The following SH2D4A variants were observed in gnomAD, a reference collection of about 807,000 sequenced individuals.
SH2D4A encodes SH2 domain-containing protein 4A.
Under a neutral mutation model 64.7 loss-of-function variants are expected in SH2D4A, and 70 were observed. That is an observed-to-expected ratio of 1.08 (90% CI 0.89 to 1.32). The LOEUF is 1.32. Ranked by LOEUF, SH2D4A falls within the 40% of genes most tolerant of loss-of-function variation. The pLI, the probability that SH2D4A is intolerant of heterozygous loss-of-function variation, is 0.00. For missense variants in SH2D4A, 706 were observed against 540.1 expected, an observed-to-expected ratio of 1.31 and a Z score of -3.04; for synonymous variants, 268 against 200.7, an observed-to-expected ratio of 1.34 and a Z score of -2.83.
intron 9 of SH2D4A, among the ~76,000 whole-genome samples, chr8:19,393,957 T>C (rs1193038383): frequency 6.6e-6 from 1 of 152,136 alleles, no homozygotes; most frequent in East Asian, 1.9e-4. Flanking sequence ...TACATTGTTA[T>C]ATATAATGAA....
chr8:19,316,168 C>G (rs575523723), intron 1 of SH2D4A, among the ~76,000 whole-genome samples: 18 of 152,342 alleles, frequency 1.2e-4, no homozygotes, highest in African/African-American at 4.3e-4. Flanking sequence ...AGAATGGCCA[C>G]ATCGTCAACG....
Position 19,333,031 on chromosome 8 carries a change from A to G in SH2D4A, c.258A>G (p.Leu86=). 6.2e-7 allele frequency: 1 copy of G among 1,614,138 alleles called. No individual in the cohort carries two copies. The highest frequency in any genetic ancestry group is 1.3e-5 in the African/African-American group (1 of 75,030). The change falls in exon 3 of 10, where the codon CTA becomes CTG. Residue 86 remains leucine, a synonymous_variant. Coordinates refer to ENST00000265807, the MANE Select transcript of SH2D4A (RefSeq NM_022071.4). ...VWVWVMGEHH[L]DKPYDVLCNE... Reference sequence around the variant, plus strand: ...TATGGGTGATGGGCGAACACCATCTAGATAAACCCTATGATGTGCTCTGTA... The same window carrying G: ...TATGGGTGATGGGCGAACACCATCTGGATAAACCCTATGATGTGCTCTGTA...
intron 8 of SH2D4A, among the ~76,000 whole-genome samples, chr8:19,380,091 T>C (rs552186094): frequency 2.6e-4 from 39 of 152,302 alleles, no homozygotes; most frequent in African/African-American, 8.9e-4. Context: ...TGAGGTCATA[T>C]GTCATTACGG....
chr8:19,346,648 G>A (rs1173192922), intron 4 of SH2D4A, among the ~76,000 whole-genome samples: 3 of 152,200 alleles, frequency 2.0e-5, no homozygotes, highest in Admixed American at 2.0e-4. Flanking sequence ...AGTCGCCGAT[G>A]CCAAAAAGGT....
chr8:19,340,163 G>A (rs2052505826), intron 4 of SH2D4A, among the ~76,000 whole-genome samples: 1 of 152,146 alleles, frequency 6.6e-6, no homozygotes, highest in Admixed American at 6.5e-5. Context: ...ATAGCTGGAG[G>A]GAAAGTGGGC....
At chr8:19,367,342 T>G (rs2053014088) in intron 7 of SH2D4A, among the ~76,000 whole-genome samples, 1 of 152,192 alleles carries the variant, frequency 6.6e-6, no homozygotes, top group African/African-American at 2.4e-5. Flanking sequence ...TATAATGGTA[T>G]ACTAATTTAT....
At chr8:19,375,875 T>G (rs28508542) in intron 8 of SH2D4A, among the ~76,000 whole-genome samples, 20,400 of 152,074 alleles carry the variant, frequency 0.13, 2,300 homozygotes, top group African/African-American at 0.31. Context: ...ATTGTAAATT[T>G]AAGATTTACA....
At position 19,318,600 on chromosome 8, in the gene SH2D4A, C is replaced by G. The variant is rs1585140397; in HGVS notation, c.-204-744C>G. 3.3e-5 allele frequency among the ~76,000 whole-genome samples: 5 copies of G among 152,232 alleles called. No individual in the cohort carries two copies. In the South Asian group the frequency reaches 1.0e-3, roughly 32 times the overall value. On this transcript the variant is annotated intron_variant, in intron 1 of 9. Transcript: ENST00000265807. ...ATGAACCTAATGACCTCTTCATCCCCCTAGTTTATCTGGTCTGTCCATTTA... is the reference window on the plus strand; with the variant it reads ...ATGAACCTAATGACCTCTTCATCCCGCTAGTTTATCTGGTCTGTCCATTTA...
chr8:19,318,784 A>G (rs2052133442), intron 1 of SH2D4A, among the ~76,000 whole-genome samples: 2 of 152,172 alleles, frequency 1.3e-5, no homozygotes, highest in South Asian at 4.1e-4. Flanking sequence ...AAAGTACATA[A>G]TTTTGTTTAT....
intron 7 of SH2D4A, among the ~76,000 whole-genome samples, 196 bp from the exon 8 acceptor site, chr8:19,373,334 A>C (rs921875180): frequency 2.6e-4 from 37 of 144,088 alleles, no homozygotes; most frequent in East Asian, 1.2e-3. Flanking sequence ...CCCCACCCCC[A>C]CACACACATG....
intron 7 of SH2D4A, among the ~76,000 whole-genome samples, chr8:19,368,413 G>A (rs563236761): frequency 6.6e-6 from 1 of 152,124 alleles, no homozygotes; most frequent in South Asian, 2.1e-4. Context: ...TTGGTATTTT[G>A]ATAGGAATTA....
intron 2 of SH2D4A, among the ~76,000 whole-genome samples, chr8:19,320,370 T>C (rs1271978230): frequency 2.0e-5 from 3 of 152,106 alleles, no homozygotes; most frequent in Non-Finnish European, 4.4e-5. Context: ...CTCATGCCTG[T>C]CATTGCAGCA....
chr8:19,323,492 T>C (rs1216788843), intron 2 of SH2D4A, among the ~76,000 whole-genome samples: 1 of 151,930 alleles, frequency 6.6e-6, no homozygotes, highest in African/African-American at 2.4e-5. Flanking sequence ...GCGATTCTCC[T>C]TTCTCAGCCT....
intron 7 of SH2D4A, among the ~76,000 whole-genome samples, chr8:19,370,006 G>C (rs981035620): frequency 2.0e-5 from 3 of 151,890 alleles, no homozygotes; most frequent in African/African-American, 7.2e-5. Context: ...TTGGTATGTT[G>C]TTTTCATTTT....
chr8:19,394,022 C>T (rs2053544608), intron 9 of SH2D4A, among the ~76,000 whole-genome samples: 1 of 123,504 alleles, frequency 8.1e-6, no homozygotes, highest in Admixed American at 7.6e-5. Flanking sequence ...AACTTGTTTT[C>T]CTGCAACTAG....
intron 8 of SH2D4A, among the ~76,000 whole-genome samples, chr8:19,385,101 C>T (rs190087528): frequency 4.8e-4 from 73 of 152,266 alleles, no homozygotes; most frequent in African/African-American, 1.7e-3. Context: ...TACAACTGAA[C>T]CTACCCTCCT....
chr8:19,365,533 C>T (rs1367293806), intron 7 of SH2D4A, among the ~76,000 whole-genome samples: 1 of 152,196 alleles, frequency 6.6e-6, no homozygotes, highest in Non-Finnish European at 1.5e-5. Context: ...GCAGCTAACT[C>T]CTGTTCACCG....
At chr8:19,337,719 C>T (rs561022709) in intron 4 of SH2D4A, among the ~76,000 whole-genome samples, 11 of 152,248 alleles carry the variant, frequency 7.2e-5, no homozygotes, top group South Asian at 4.2e-4. Flanking sequence ...AGAGAGCTTG[C>T]GCAGGGAAAT....
intron 1 of SH2D4A, 95 bp downstream of exon 1, chr8:19,313,918 G>A (rs2052038968): frequency 7.5e-7 from 1 of 1,326,532 alleles, no homozygotes; most frequent in Non-Finnish European, 9.6e-7. Flanking sequence ...TGGGTGCATG[G>A]GAGGCGCAGG....
Sources: gnomAD v4.1 joint callset for allele counts (sites outside exome capture counted in the v4.1 genomes callset) on GRCh38, gnomAD v4.1.1 for gene constraint, MANE v1.5 for transcripts, NCBI Gene and HGNC (gene_info 2026-07-23, HGNC 2026-07-21) for gene names.